KIF27: variants seen among roughly 807,000 people sequenced by gnomAD.
KIF27 encodes the protein kinesin-like protein KIF27.
A neutral mutation model predicts 141.8 loss-of-function variants in KIF27; 84 were observed. That is an observed-to-expected ratio of 0.59 (90% confidence interval 0.50 to 0.71). The LOEUF is 0.71. Ranked by LOEUF, KIF27 falls within the 30% of genes least tolerant of loss-of-function variation. The probability of loss-of-function intolerance (pLI) is 0.00; values close to 1 mark genes in which losing one functional copy is unlikely to be tolerated. For missense variants in KIF27, 1,306 were observed against 1,628.4 expected (o/e 0.80, Z 3.41); for synonymous variants, 471 against 569.5 (o/e 0.83, Z 2.46).
chr9:83,898,230 A>G (rs1187420002), intron 5 of KIF27, among the ~76,000 whole-genome samples: 1 of 152,220 alleles, frequency 6.6e-6, no homozygotes, highest in African/African-American at 2.4e-5. Context: ...ATAAAATCCT[A>G]TGTAGCTATA....
rs1952421974 is a variant in KIF27, at chr9:83,889,148, G to A, written c.1915C>T (p.His639Tyr). The change falls in exon 7 of 18, where the codon CAC becomes TAC. Residue 639 changes from histidine to tyrosine, a missense_variant. By Grantham distance (83) the His-to-Tyr change is moderately conservative. Coordinates refer to ENST00000297814, the MANE Select transcript of KIF27 (RefSeq NM_017576.4). ...GHIEEQDKVLHCQFSDNSDDE... is the reference protein window; with the variant it reads ...GHIEEQDKVLYCQFSDNSDDE... ...TCACTGTTATCAGAAAATTGGCAGTGGAGGACCTTATCTTGTTCTTCTATG... is the reference window on the plus strand; with the variant it reads ...TCACTGTTATCAGAAAATTGGCAGTAGAGGACCTTATCTTGTTCTTCTATG... 4 of 1,613,778 alleles carry A rather than the reference G, an allele frequency of 2.5e-6. No homozygotes were observed. The highest frequency in any genetic ancestry group is 3.4e-6 in the Non-Finnish European group (4 of 1,179,866).
At chr9:83,888,354 T>A (rs1952318803) in intron 8 of KIF27, 135 bp downstream of exon 8, 1 of 431,154 alleles carries the variant, frequency 2.3e-6, no homozygotes, top group Non-Finnish European at 4.2e-6. Context: ...TAAAAGAAGT[T>A]CTACCAACTA....
chr9:83,881,316 C>T (rs1951657360), intron 10 of KIF27, among the ~76,000 whole-genome samples: 1 of 152,180 alleles, frequency 6.6e-6, no homozygotes, highest in Non-Finnish European at 1.5e-5. Flanking sequence ...ATTAGCATTG[C>T]ACTAAATACC....
chr9:83,884,765 C>G (rs1388657967), intron 9 of KIF27, among the ~76,000 whole-genome samples: 1 of 152,174 alleles, frequency 6.6e-6, no homozygotes, highest in East Asian at 1.9e-4. Flanking sequence ...TTATTTAAAT[C>G]AGGATCTAAA....
chr9:83,837,272 G>C lies in KIF27; in HGVS notation c.3935C>G (p.Pro1312Arg), dbSNP rs756162275. 25 of 1,608,672 alleles carry C rather than the reference G, an allele frequency of 1.6e-5. No homozygotes were observed. Among genetic ancestry groups the C allele is most frequent in the Non-Finnish European group, 2.1e-5 (25 of 1,176,652 alleles). The change falls in exon 18 of 18, where the codon CCC becomes CGC. Residue 1312 changes from proline to arginine, a missense_variant. By Grantham distance (103) the Pro-to-Arg change is moderately radical (BLOSUM62 -2). This residue lies in a region of KIF27 where 148 missense variants were observed against 250.9 expected (regional missense o/e 0.59). Coordinates refer to ENST00000297814, the MANE Select transcript of KIF27 (RefSeq NM_017576.4). Reference sequence around the variant, plus strand: ...CTCATTACCTAACATATGCCCACTGGGGGGTGCTAAAGAACTATGAATTGG... The same window carrying C: ...CTCATTACCTAACATATGCCCACTGCGGGGTGCTAAAGAACTATGAATTGG... ...LPPIHSSLAP[P>R]SGHMLGNENK...
At chr9:83,900,270 T>G (rs12344652) in intron 4 of KIF27, among the ~76,000 whole-genome samples, 8,260 of 146,482 alleles carry the variant, frequency 0.056, 529 homozygotes, top group African/African-American at 0.2. Flanking sequence ...CTAAAAATGA[T>G]TAAACAGTTT....
chr9:83,903,133 C>T lies in KIF27; in HGVS notation c.1385G>A (p.Gly462Asp), dbSNP rs772548524. Residue 462 changes from glycine (G) to aspartate (D), a missense_variant, in exon 4 of 18, where the codon GGC becomes GAC. Coordinates refer to ENST00000297814, the MANE Select transcript of KIF27 (RefSeq NM_017576.4). ...TGGTCCTTCTTCCAGACTTGCAGTG[C>T]CTCCGATTCCTCGAAATGAGGTGAG... ...AVLTSFRGIGGTASLEEGPQH... is the reference protein window; with the variant it reads ...AVLTSFRGIGDTASLEEGPQH... The T allele has an allele frequency of 9.9e-6, 16 of 1,614,048 alleles. No individual in the cohort carries two copies. The highest frequency in any genetic ancestry group is 1.7e-5 in the Admixed American group (1 of 59,984).
At position 83,842,363 on chromosome 9, in the gene KIF27, A is replaced by G. The variant is rs747845313; in HGVS notation, c.3595T>C (p.Tyr1199His). 2 of 1,535,288 alleles carry G rather than the reference A, an allele frequency of 1.3e-6. No homozygotes were observed. Among genetic ancestry groups the G allele is most frequent in the South Asian group, 2.6e-5 (2 of 77,304 alleles). ...TCCAACTGCTGGATTTTATCTTCAT[A>G]TGTTTTGAAAGTTTCCATAATGCCT... ...GEGIMETFKTYEDKIQQLEKD... is the reference protein window; with the variant it reads ...GEGIMETFKTHEDKIQQLEKD... Residue 1199 changes from tyrosine (Y) to histidine (H), a missense_variant, in exon 17 of 18, where the codon TAT becomes CAT. Tyr to His is a moderately conservative substitution (Grantham distance 83). Around this residue, in one of 4 missense-constraint regions of KIF27, gnomAD observed 148 missense variants for 250.9 expected, o/e 0.59. Transcript: ENST00000297814.
At chr9:83,890,015 C>A (rs1490948211) in intron 6 of KIF27, among the ~76,000 whole-genome samples, 1 of 152,134 alleles carries the variant, frequency 6.6e-6, no homozygotes, top group Non-Finnish European at 1.5e-5. Context: ...ATCTCTGTAA[C>A]CAAATCTCAA....
intron 14 of KIF27, among the ~76,000 whole-genome samples, chr9:83,855,832 T>C (rs185933009): frequency 6.6e-6 from 1 of 152,238 alleles, no homozygotes; most frequent in African/African-American, 2.4e-5. Context: ...TTTGCCTTTA[T>C]ACATGGCTGA....
rs113652334 is a variant in KIF27, at chr9:83,856,646, C to T, written c.3150+2510G>A. On this transcript the variant is annotated intron_variant, in intron 14 of 17. Coordinates refer to ENST00000297814, the MANE Select transcript of KIF27 (RefSeq NM_017576.4). Reference sequence around the variant, plus strand: ...GTGCCAGCTACTCAGGTGGCTGAGGCAGGGGAATCGCTTGAACCAGGCAGG... The same window carrying T: ...GTGCCAGCTACTCAGGTGGCTGAGGTAGGGGAATCGCTTGAACCAGGCAGG... 6.7e-5 allele frequency among the ~76,000 whole-genome samples: 10 copies of T among 149,892 alleles called. 1 individual carries two copies. The highest frequency in any genetic ancestry group is 2.5e-4 in the African/African-American group (10 of 40,726).
intron 11 of KIF27, among the ~76,000 whole-genome samples, chr9:83,877,739 A>C (rs190705861): frequency 1.3e-5 from 2 of 152,326 alleles, no homozygotes; most frequent in East Asian, 1.9e-4. Flanking sequence ...ATAGGAAAAA[A>C]TATTTGGAAA....
In KIF27 at chr9:83,861,972, G is replaced by A. The variant is rs567571380; in HGVS notation, c.2935-2601C>T. On this transcript the variant is annotated intron_variant, in intron 13 of 17. Coordinates refer to ENST00000297814, the MANE Select transcript of KIF27 (RefSeq NM_017576.4). The stretch of plus-strand genomic sequence containing the variant: ...TCATGTGTCTGTTGGCTGCATAAAT[G>A]TCTTCTTTCGAGAAGCGTCTGTTCA... 2.6e-5 allele frequency among the ~76,000 whole-genome samples: 4 copies of A among 152,242 alleles called. No individual in the cohort carries two copies. The East Asian group carries it at 7.7e-4, about 29-fold the overall frequency.
chr9:83,883,087 A>G (rs1317543198), intron 10 of KIF27, among the ~76,000 whole-genome samples: 1 of 152,140 alleles, frequency 6.6e-6, no homozygotes, highest in Non-Finnish European at 1.5e-5. Context: ...AATAATAATA[A>G]TAATAATGCT....
intron 9 of KIF27, among the ~76,000 whole-genome samples, chr9:83,885,868 T>A (rs1291820546): frequency 1.3e-5 from 2 of 151,842 alleles, no homozygotes; most frequent in Non-Finnish European, 2.9e-5. Flanking sequence ...GATGTCCTGT[T>A]ATTATTAGTT....
intron 12 of KIF27, among the ~76,000 whole-genome samples, chr9:83,869,068 T>C (rs1339690219): frequency 6.6e-6 from 1 of 152,150 alleles, no homozygotes; most frequent in Non-Finnish European, 1.5e-5. Context: ...GAATAAGAGA[T>C]TCTTTTTAAG....
At chr9:83,919,458 GA>G (rs1440003814) in intron 1 of KIF27, among the ~76,000 whole-genome samples, 6 of 152,312 alleles carry the variant, frequency 3.9e-5, no homozygotes. Context: ...GAAAAGTAAT[GA>G]ATTTGAGGTG....
At chr9:83,881,648 G>T (rs759739467) in intron 10 of KIF27, among the ~76,000 whole-genome samples, 3 of 152,194 alleles carry the variant, frequency 2.0e-5, no homozygotes, top group Non-Finnish European at 4.4e-5. Context: ...AAGAACAATC[G>T]GCAGATGGAC....
rs187494265 is a variant in KIF27, at chr9:83,903,631, G to A, written c.887C>T (p.Ala296Val). The A allele has an allele frequency of 3.1e-6, 5 of 1,614,120 alleles. No homozygotes were observed. The East Asian group carries it at 1.1e-4, about 36-fold the overall frequency. Residue 296 changes from alanine (A) to valine (V), a missense_variant, in exon 4 of 18, where the codon GCT becomes GTT. Ala to Val is a moderately conservative substitution (Grantham distance 64). Coordinates refer to ENST00000297814, the MANE Select transcript of KIF27 (RefSeq NM_017576.4). ...RKSSHIPYRD[A>V]KITRLLKDSL... is the part of the protein sequence containing the mutation. ...ATCTTTCAGAAGCCGGGTAATTTTAGCATCCCTATATGGAATATGTGAACT... is the reference window on the plus strand; with the variant it reads ...ATCTTTCAGAAGCCGGGTAATTTTAACATCCCTATATGGAATATGTGAACT...
Sources: allele counts gnomAD v4.1 joint callset (sites outside exome capture counted in the v4.1 genomes callset), GRCh38; gene constraint gnomAD v4.1.1; regional missense constraint gnomAD v4.1.1; transcripts MANE v1.5; gene names NCBI Gene and HGNC (gene_info 2026-07-23, HGNC 2026-07-21).